DUSP5: variants seen among roughly 807,000 people sequenced by gnomAD.
DUSP5 encodes the protein dual specificity protein phosphatase 5.
In DUSP5, 22 loss-of-function variants were observed where a neutral mutation model predicts 33.6. That is an observed-to-expected ratio of 0.66 (90% CI 0.47 to 0.94). The LOEUF is 0.94. Among genes scored for constraint, DUSP5 ranks in the 40% least tolerant of loss-of-function variants. The pLI, the probability that DUSP5 is intolerant of heterozygous loss-of-function variation, is 0.00. For synonymous variants in DUSP5, 270 were observed against 231.1 expected (o/e 1.17, Z -1.53); for missense variants, 551 against 522.1 (o/e 1.06, Z -0.54).
intron 1 of DUSP5, among the ~76,000 whole-genome samples, chr10:110,499,081 A>G (rs560354666): frequency 5.7e-4 from 87 of 151,686 alleles, no homozygotes; most frequent in Non-Finnish European, 9.6e-4. Flanking sequence ...TCTCTAGCTC[A>G]GTTTGGAGCT....
At chr10:110,498,900 G>T (rs1860000645) in intron 1 of DUSP5, among the ~76,000 whole-genome samples, 1 of 152,188 alleles carries the variant, frequency 6.6e-6, no homozygotes, top group African/African-American at 2.4e-5. Flanking sequence ...AGCAGGTCGC[G>T]ATCCACTCTC....
intron 3 of DUSP5, among the ~76,000 whole-genome samples, chr10:110,508,829 C>G (rs1860151168): frequency 6.6e-6 from 1 of 152,108 alleles, no homozygotes. Flanking sequence ...TGGAGGACAC[C>G]CCTATTGAAC....
chr10:110,502,874 G>T lies in DUSP5; in HGVS notation c.528+5G>T. 1 of 1,614,168 alleles carries T rather than the reference G, an allele frequency of 6.2e-7. No individual in the cohort carries two copies. The highest frequency in any genetic ancestry group is 8.5e-7 in the Non-Finnish European group (1 of 1,180,022). ...TACAGGCCAGCTTATGACCAGGTAC[G>T]TGATGTGATGGGGAAGAGGTATCCT... is the stretch of plus-strand genomic sequence containing the variant. On this transcript the variant is annotated splice_donor_5th_base_variant and intron_variant, in intron 2 of 3. Coordinates refer to ENST00000369583, the MANE Select transcript of DUSP5 (RefSeq NM_004419.4).
Position 110,510,198 on chromosome 10 carries a change from G to A in DUSP5, c.927G>A (p.Gln309=). 1 of 1,614,236 alleles carries A rather than the reference G, an allele frequency of 6.2e-7. No individual in the cohort carries two copies. ...MVSPNFGFMG[Q]LLQYESEILP... ...CGCCCAACTTTGGCTTCATGGGCCAGCTCCTGCAGTACGAATCTGAGATCC... is the reference window on the plus strand; with the variant it reads ...CGCCCAACTTTGGCTTCATGGGCCAACTCCTGCAGTACGAATCTGAGATCC... The change falls in exon 4 of 4, where the codon CAG becomes CAA. Residue 309 remains glutamine (Q), a synonymous_variant. Coordinates refer to ENST00000369583, the MANE Select transcript of DUSP5 (RefSeq NM_004419.4).
intron 3 of DUSP5, among the ~76,000 whole-genome samples, chr10:110,507,696 AGTTG>A (rs1860135848): frequency 6.6e-6 from 1 of 152,234 alleles, no homozygotes; most frequent in Non-Finnish European, 1.5e-5. Context: ...TGCACAGAAA[AGTTG>A]GCATCTTTTG....
In DUSP5 at chr10:110,506,903, A is replaced by C. The variant is rs772286683; in HGVS notation, c.529-32A>C. ...TCTCAAATGAACAAGCTAATCCAAT[A>C]TTTCCTGATTGTCCTTTGTCCCTGC... On this transcript the variant is annotated intron_variant, in intron 2 of 3. Transcript: ENST00000369583. 5.6e-6 allele frequency: 9 copies of C among 1,605,018 alleles called. No homozygotes were observed. The African/African-American group carries it at 1.1e-4, about 19-fold the overall frequency.
chr10:110,508,046 G>T (rs940579685), intron 3 of DUSP5, among the ~76,000 whole-genome samples: 1 of 152,220 alleles, frequency 6.6e-6, no homozygotes, highest in South Asian at 2.1e-4. Flanking sequence ...AGGGATGTTG[G>T]AGGAGGAAAG....
intron 1 of DUSP5, among the ~76,000 whole-genome samples, chr10:110,502,384 C>A (rs1211874382): frequency 6.6e-6 from 1 of 152,174 alleles, no homozygotes; most frequent in African/African-American, 2.4e-5. Flanking sequence ...TTTAGATAAA[C>A]AAGAGAGAAA....
rs1564774956 is a variant in DUSP5, at chr10:110,510,435, T to C, written c.*9T>C. 6.4e-7 allele frequency: 1 copy of C among 1,564,174 alleles called. No individual in the cohort carries two copies. The highest frequency in any genetic ancestry group is 8.7e-7 in the Non-Finnish European group (1 of 1,152,092). ...CGGCCACATCCTGCTAAAACTGGGA[T>C]GGAGGAATCGGCCCAGCCCCAAGAG... On this transcript the variant is annotated 3_prime_UTR_variant, in exon 4 of 4. Transcript: ENST00000369583.
In DUSP5 at chr10:110,497,909, C is replaced by T. The variant is rs537973397; in HGVS notation, c.-213C>T. 4.8e-3 allele frequency: 994 copies of T among 207,746 alleles called. 10 individuals are homozygous for T. The highest frequency in any genetic ancestry group is 0.022 in the African/African-American group (941 of 42,498). The allele number at this position is 207,746 out of a possible 1,614,324, so 12.9% of individuals were successfully genotyped here. ...GCTGCGCGGCCGGCGGAATCCCCGGCTTCTAGGGCGGCGAGCGGCCGGGCT... is the reference window on the plus strand; with the variant it reads ...GCTGCGCGGCCGGCGGAATCCCCGGTTTCTAGGGCGGCGAGCGGCCGGGCT... On this transcript the variant is annotated 5_prime_UTR_variant, in exon 1 of 4. Transcript: ENST00000369583.
chr10:110,509,918 A>G (rs1011416689), intron 3 of DUSP5, 102 bp from the exon 4 acceptor site: 103 of 1,460,372 alleles, frequency 7.1e-5, no homozygotes, highest in Non-Finnish European at 8.7e-5. Context: ...GGCAGGCACA[A>G]CAGTTTCATA....
At chr10:110,507,561 C>G (rs563381898) in intron 3 of DUSP5, among the ~76,000 whole-genome samples, 1 of 152,158 alleles carries the variant, frequency 6.6e-6, no homozygotes, top group Non-Finnish European at 1.5e-5. Context: ...GCACTACTTA[C>G]GCACTGAGCC....
chr10:110,509,769 T>C lies in DUSP5; in HGVS notation c.749-251T>C, dbSNP rs188107773. The stretch of plus-strand genomic sequence containing the variant: ...TGGGAACTGTAAAGCTTCTGTGTGC[T>C]TATGTCTCTTGTGACAATAGCTGCT... On this transcript the variant is annotated intron_variant, in intron 3 of 3. Coordinates refer to ENST00000369583, the MANE Select transcript of DUSP5 (RefSeq NM_004419.4). 6.4e-4 allele frequency among the ~76,000 whole-genome samples: 97 copies of C among 152,344 alleles called. 1 individual carries two copies. The highest frequency in any genetic ancestry group is 2.2e-3 in the African/African-American group (91 of 41,578).
At position 110,498,093 on chromosome 10, in the gene DUSP5, C is replaced by T. The variant is rs1329284042; in HGVS notation, c.-29C>T. Reference sequence around the variant, plus strand: ...GTGGGCACCCGCGGGGCGCGCGGCGCGGGGCCGCTGGCCGGCGGCGGCGGC... The same window carrying T: ...GTGGGCACCCGCGGGGCGCGCGGCGTGGGGCCGCTGGCCGGCGGCGGCGGC... On this transcript the variant is annotated 5_prime_UTR_variant, in exon 1 of 4. Coordinates refer to ENST00000369583, the MANE Select transcript of DUSP5 (RefSeq NM_004419.4). The T allele has an allele frequency of 4.1e-6, 5 of 1,224,162 alleles. No individual in the cohort carries two copies. The highest frequency in any genetic ancestry group is 4.6e-5 in the Admixed American group (1 of 21,764). The allele number at this position is 1,224,162 out of a possible 1,614,324, so 75.8% of individuals were successfully genotyped here.
At chr10:110,506,441 G>GA (rs370031379) in intron 2 of DUSP5, among the ~76,000 whole-genome samples, 8 of 148,552 alleles carry the variant, frequency 5.4e-5, no homozygotes, top group South Asian at 2.1e-4. Context: ...TTCCAAAAAG[G>GA]AAAAAAAAAA....
chr10:110,498,279 G>A lies in DUSP5; in HGVS notation c.158G>A (p.Arg53Gln), dbSNP rs1364531926. 1.4e-6 allele frequency: 2 copies of A among 1,465,280 alleles called. No homozygotes were observed. The highest frequency in any genetic ancestry group is 2.0e-5 in the Admixed American group (1 of 49,630). The allele number at this position is 1,465,280 out of a possible 1,614,324, so 90.8% of individuals were successfully genotyped here. Residue 53 changes from arginine (R) to glutamine (Q), a missense_variant, in exon 1 of 4, where the codon CGG becomes CAG. Coordinates refer to ENST00000369583, the MANE Select transcript of DUSP5 (RefSeq NM_004419.4). Reference protein sequence around the residue: ...LNVNLNSVVLRRARGGAVSAR... With the variant: ...LNVNLNSVVLQRARGGAVSAR... The stretch of plus-strand genomic sequence containing the variant: ...GTCAACCTCAACTCGGTGGTGCTGC[G>A]GCGGGCCCGGGGCGGCGCGGTGTCG...
chr10:110,502,571 T>G (rs1389335685), intron 1 of DUSP5, 150 bp from the exon 2 acceptor site: 2 of 869,778 alleles, frequency 2.3e-6, no homozygotes, highest in Non-Finnish European at 1.7e-6. Context: ...GTTTGCTGGT[T>G]TTGCTCAATT....
chr10:110,503,250 T>C, intron 2 of DUSP5, among the ~76,000 whole-genome samples: 1 of 152,238 alleles, frequency 6.6e-6, no homozygotes, highest in East Asian at 1.9e-4. Context: ...AGGCTTCCTG[T>C]GTTGCTTTTC....
Position 110,507,150 on chromosome 10 carries a change from CATT to C in DUSP5, c.745_747del (p.Ile249del). Reference sequence around the variant, plus strand: ...CCCACTTTCAAGAAGCAATAGACTTCATTGGTAGGTTTAGCCATTCCCCTTCAG... The same window carrying C: ...CCCACTTTCAAGAAGCAATAGACTTCGGTAGGTTTAGCCATTCCCCTTCAG... On this transcript the variant is annotated inframe_deletion and splice_region_variant, in exon 3 of 4. Transcript: ENST00000369583. 6.2e-7 allele frequency: 1 copy of C among 1,613,076 alleles called. No homozygotes were observed. The highest frequency in any genetic ancestry group is 8.5e-7 in the Non-Finnish European group (1 of 1,179,952).
Sources: allele counts gnomAD v4.1 joint callset (sites outside exome capture counted in the v4.1 genomes callset), GRCh38; gene constraint gnomAD v4.1.1; transcripts MANE v1.5; gene names NCBI Gene and HGNC (gene_info 2026-07-23, HGNC 2026-07-21).